Variants in CHCT1 observed in about 807,000 individuals in gnomAD.
The protein encoded by CHCT1 is CHD1 helical C-terminal domain containing protein 1.
chr17:60,431,300 T>C, the CHCT1 span: 1 of 1,493,176 alleles, frequency 6.7e-7, no homozygotes, highest in South Asian at 1.2e-5. Context: ...CCGCTTGTCC[T>C]GGCTCTCAGA....
the CHCT1 span, among the ~76,000 whole-genome samples, chr17:60,429,157 C>T: frequency 4.6e-5 from 7 of 152,290 alleles, no homozygotes; most frequent in South Asian, 2.1e-4. Context: ...TAAAGGACAA[C>T]GCAGGAGGAC....
chr17:60,426,713 T>G, the CHCT1 span: 7 of 1,608,686 alleles, frequency 4.4e-6, no homozygotes, highest in Non-Finnish European at 3.4e-6. Context: ...TCTCCCCCTT[T>G]GCAGGATGCT....
At chr17:60,425,576 A>G in the CHCT1 span, among the ~76,000 whole-genome samples, 1 of 152,202 alleles carries the variant, frequency 6.6e-6, no homozygotes, top group Admixed American at 6.5e-5. Flanking sequence ...ATTATAAAAG[A>G]AAGAGGTGGA....
the CHCT1 span, chr17:60,422,580 C>T: frequency 1.9e-6 from 3 of 1,549,886 alleles, no homozygotes; most frequent in Non-Finnish European, 1.7e-6. Context: ...AGCCTACCGG[C>T]ACACCTGCTG....
chr17:60,429,412 G>A, the CHCT1 span: 6 of 1,614,088 alleles, frequency 3.7e-6, no homozygotes, highest in South Asian at 1.1e-5. Flanking sequence ...TGGCCGACCG[G>A]GAAGACAGTC....
chr17:60,422,825 C>T, the CHCT1 span, among the ~76,000 whole-genome samples: 43 of 152,224 alleles, frequency 2.8e-4, no homozygotes, highest in African/African-American at 9.6e-4. Context: ...GTGTTCCTGG[C>T]GAGATGATGG....
the CHCT1 span, chr17:60,426,274 G>T: frequency 6.4e-7 from 1 of 1,551,978 alleles, no homozygotes; most frequent in Non-Finnish European, 8.7e-7. Flanking sequence ...TGGTCCTAGG[G>T]GACCACATCA....
the CHCT1 span, among the ~76,000 whole-genome samples, chr17:60,430,894 C>T: frequency 7.2e-5 from 11 of 152,160 alleles, no homozygotes; most frequent in African/African-American, 2.4e-4. Context: ...AGCCAGAGGT[C>T]GAGGAAACTC....
At chr17:60,428,964 G>A in the CHCT1 span, among the ~76,000 whole-genome samples, 2 of 150,432 alleles carry the variant, frequency 1.3e-5, no homozygotes, top group African/African-American at 4.9e-5. Flanking sequence ...GTGCAGTGGC[G>A]TGATCTCGGC....
chr17:60,422,452 T>G, the CHCT1 span: 1 of 1,516,310 alleles, frequency 6.6e-7, no homozygotes, highest in East Asian at 2.6e-5. Context: ...GGTTCTGTGT[T>G]GGCGGTTGCC....
At chr17:60,426,182 C>T in the CHCT1 span, 1 of 1,551,660 alleles carries the variant, frequency 6.4e-7, no homozygotes, top group African/African-American at 1.4e-5. Context: ...CCTAAGACCG[C>T]TGAAGAAGTT....
chr17:60,430,014 A>G, the CHCT1 span, among the ~76,000 whole-genome samples: 15 of 150,918 alleles, frequency 9.9e-5, no homozygotes, highest in Admixed American at 3.3e-4. Context: ...TAGTAAAGAC[A>G]GGGTTTCACG....
At chr17:60,426,444 G>A in the CHCT1 span, 1 of 1,270,144 alleles carries the variant, frequency 7.9e-7, no homozygotes. Context: ...TTATGTGGAG[G>A]AGTCAAGAGC....
chr17:60,424,367 T>C, the CHCT1 span, among the ~76,000 whole-genome samples: 2 of 152,230 alleles, frequency 1.3e-5, no homozygotes, highest in Admixed American at 6.5e-5. Flanking sequence ...GAATCCCTGT[T>C]CATTCCCCCA....
At chr17:60,426,851 G>A in the CHCT1 span, 1 of 1,563,034 alleles carries the variant, frequency 6.4e-7, no homozygotes. Context: ...GAGCACAGCT[G>A]AGGGTTGGTT....
the CHCT1 span, chr17:60,422,682 C>T: frequency 4.0e-6 from 6 of 1,513,322 alleles, no homozygotes; most frequent in Admixed American, 4.5e-5. Flanking sequence ...AGGAGGGTCC[C>T]GGAGGGGCTG....
the CHCT1 span, chr17:60,429,442 A>AT: frequency 6.2e-7 from 1 of 1,614,120 alleles, no homozygotes; most frequent in East Asian, 2.2e-5. Flanking sequence ...TCTGCCATGC[A>AT]TGGGGGCTGC....
Sources: gnomAD v4.1 joint callset for allele counts (sites outside exome capture counted in the v4.1 genomes callset) on GRCh38, gnomAD v4.1.1 for gene constraint, MANE v1.5 for transcripts, NCBI Gene and HGNC (gene_info 2026-07-23, HGNC 2026-07-21) for gene names.